The following EPHB1 variants were observed in gnomAD, a reference collection of about 807,000 sequenced individuals.
EPHB1 encodes ephrin type-B receptor 1.
In EPHB1, 30 loss-of-function variants were observed where a neutral mutation model predicts 94.4. That is an observed-to-expected ratio of 0.32 (90% CI 0.24 to 0.43). The LOEUF is 0.43. EPHB1 is among the 20% of genes least tolerant of loss of function. EPHB1 has a pLI of 1.00. For missense variants in EPHB1, 1,055 were observed against 1,308.3 expected, an observed-to-expected ratio of 0.81 and a Z score of 2.99; for synonymous variants, 522 against 489.1, an observed-to-expected ratio of 1.07 and a Z score of -0.89.
In EPHB1 at chr3:135,015,854, C is replaced by T. The variant is rs936037363; in HGVS notation, c.805+63802C>T. Reference sequence around the variant, plus strand: ...GGCCAGAAAAATGAGGAGCCAACCACACATAGAGAAGTGGGAAAGGCATAC... The same window carrying T: ...GGCCAGAAAAATGAGGAGCCAACCATACATAGAGAAGTGGGAAAGGCATAC... On this transcript the variant is annotated intron_variant, in intron 3 of 15. Transcript: ENST00000398015. 2.0e-5 allele frequency among the ~76,000 whole-genome samples: 3 copies of T among 152,228 alleles called. No individual in the cohort carries two copies. The South Asian group carries it at 6.2e-4, about 32-fold the overall frequency.
At chr3:134,860,119 CAT>C (rs1032480419) in intron 1 of EPHB1, among the ~76,000 whole-genome samples, 6 of 137,460 alleles carry the variant, frequency 4.4e-5, no homozygotes, top group South Asian at 2.3e-4. Context: ...AGAGCTGTGT[CAT>C]ATTCAGCTGT....
At chr3:135,085,267 G>A (rs1428139057) in intron 3 of EPHB1, among the ~76,000 whole-genome samples, 2 of 152,234 alleles carry the variant, frequency 1.3e-5, no homozygotes, top group African/African-American at 2.4e-5. Flanking sequence ...CTAAAGGGAA[G>A]CTAAGCGTGT....
At chr3:134,923,283 C>G (rs1414400996) in intron 1 of EPHB1, among the ~76,000 whole-genome samples, 2 of 152,168 alleles carry the variant, frequency 1.3e-5, no homozygotes, top group Admixed American at 1.3e-4. Context: ...GCCCCTGTTT[C>G]GCTGGGGTAG....
At chr3:134,926,004 T>G (rs2038784659) in intron 2 of EPHB1, 124 bp downstream of exon 2, 5 of 790,840 alleles carry the variant, frequency 6.3e-6, no homozygotes, top group Admixed American at 6.5e-5. Flanking sequence ...TGAATGGCTG[T>G]GTCCACTGCC....
At chr3:134,963,557 A>G (rs1933612926) in intron 3 of EPHB1, among the ~76,000 whole-genome samples, 1 of 152,190 alleles carries the variant, frequency 6.6e-6, no homozygotes, top group African/African-American at 2.4e-5. Context: ...ATGCTCTGCC[A>G]AATTCTTTTT....
intron 1 of EPHB1, among the ~76,000 whole-genome samples, chr3:134,905,661 C>T (rs1369561739): frequency 2.0e-5 from 3 of 152,204 alleles, no homozygotes; most frequent in African/African-American, 7.2e-5. Context: ...GTACACCACA[C>T]TTCTGGCCTC....
intron 12 of EPHB1, among the ~76,000 whole-genome samples, chr3:135,219,334 G>A (rs1485544547): frequency 6.6e-6 from 1 of 152,088 alleles, no homozygotes; most frequent in African/African-American, 2.4e-5. Context: ...TTTTGCAGAT[G>A]TAATCAAGTT....
At chr3:135,192,962 T>C in intron 11 of EPHB1, 139 bp downstream of exon 11, 5 of 1,216,774 alleles carry the variant, frequency 4.1e-6, no homozygotes, top group Non-Finnish European at 5.6e-6. Flanking sequence ...TTAGCAGAGA[T>C]TTGTTGCTAA....
intron 3 of EPHB1, 26 bp downstream of exon 3, chr3:134,952,078 G>T: frequency 6.4e-7 from 1 of 1,567,380 alleles, no homozygotes; most frequent in Non-Finnish European, 8.7e-7. Flanking sequence ...TCTGCTTCCT[G>T]CCCATCTATG....
intron 3 of EPHB1, among the ~76,000 whole-genome samples, chr3:135,054,070 C>CAT (rs57789518): frequency 1.3e-5 from 2 of 151,028 alleles, no homozygotes; most frequent in African/African-American, 2.5e-5. Context: ...CACACACACA[C>CAT]ATAGCATTAT....
At chr3:134,932,832 T>C (rs368390556) in intron 2 of EPHB1, among the ~76,000 whole-genome samples, 1 of 152,306 alleles carries the variant, frequency 6.6e-6, no homozygotes, top group South Asian at 2.1e-4. Flanking sequence ...CAAAATGGTT[T>C]TGTGAATGGA....
intron 3 of EPHB1, among the ~76,000 whole-genome samples, chr3:134,984,559 T>TCACCTGGGCCCC (rs1934525789): frequency 2.7e-5 from 4 of 145,906 alleles, no homozygotes; most frequent in African/African-American, 1.1e-4. Flanking sequence ...TTCTAGGCCC[T>TCACCTGGGCCCC]AGAGAGGGAA....
intron 2 of EPHB1, among the ~76,000 whole-genome samples, chr3:134,940,389 T>C (rs540272401): frequency 6.6e-6 from 1 of 152,326 alleles, no homozygotes; most frequent in East Asian, 1.9e-4. Context: ...ATTTTGCGAG[T>C]GAGGAAACTG....
intron 1 of EPHB1, among the ~76,000 whole-genome samples, chr3:134,852,092 C>T (rs528344288): frequency 2.1e-4 from 32 of 152,274 alleles, no homozygotes; most frequent in African/African-American, 7.5e-4. Context: ...GCACTTTACC[C>T]ACCTCGGGGC....
chr3:134,979,173 A>T (rs2107732550), intron 3 of EPHB1, among the ~76,000 whole-genome samples: 1 of 152,328 alleles, frequency 6.6e-6, no homozygotes. Flanking sequence ...TTGTGATTTG[A>T]CTGACAGAGA....
intron 10 of EPHB1, 130 bp from the exon 11 acceptor site, chr3:135,192,446 G>A (rs886352219): frequency 1.8e-5 from 18 of 983,068 alleles, no homozygotes; most frequent in Middle Eastern, 2.5e-4. Context: ...AATGAGAGAA[G>A]ACTGTTTTAA....
chr3:135,235,187 T>C (rs1943621590), intron 12 of EPHB1, among the ~76,000 whole-genome samples: 1 of 152,208 alleles, frequency 6.6e-6, no homozygotes, highest in Non-Finnish European at 1.5e-5. Context: ...ATGTAGTCAT[T>C]AGTCAAAACC....
chr3:134,981,990 G>A (rs767771892), intron 3 of EPHB1, among the ~76,000 whole-genome samples: 20 of 152,282 alleles, frequency 1.3e-4, no homozygotes, highest in Middle Eastern at 3.4e-3. Flanking sequence ...CTACAGCTTT[G>A]AGTGGTAGGC....
chr3:134,840,780 A>G (rs992371791), intron 1 of EPHB1, among the ~76,000 whole-genome samples: 1 of 152,182 alleles, frequency 6.6e-6, no homozygotes, highest in Non-Finnish European at 1.5e-5. Flanking sequence ...TGTAAATATG[A>G]GGTCTCTGAC....
Sources: allele counts gnomAD v4.1 joint callset (sites outside exome capture counted in the v4.1 genomes callset), GRCh38; gene constraint gnomAD v4.1.1; transcripts MANE v1.5; gene names NCBI Gene and HGNC (gene_info 2026-07-23, HGNC 2026-07-21).